Variants in CACNA1B observed in about 807,000 individuals in gnomAD.
CACNA1B encodes calcium voltage-gated channel subunit alpha1 B.
CACNA1B carries 70 observed loss-of-function variants against 247.2 expected under a neutral mutation model. The observed-to-expected ratio is 0.28, with a 90% CI of 0.23 to 0.35. CACNA1B has a LOEUF of 0.35. CACNA1B is among the 10% of genes least tolerant of loss of function. The pLI is 1.00. For synonymous variants in CACNA1B, 1,231 were observed against 1,294.4 expected, an observed-to-expected ratio of 0.95 and a Z score of 1.05; for missense variants, 2,367 against 3,197.4, an observed-to-expected ratio of 0.74 and a Z score of 6.26.
intron 15 of CACNA1B, among the ~76,000 whole-genome samples, chr9:137,993,125 A>T (rs1024698548): frequency 6.6e-6 from 1 of 152,182 alleles, no homozygotes; most frequent in African/African-American, 2.4e-5. Context: ...ATCTCACACA[A>T]CTGAAGAAAC....
At chr9:137,998,775 G>A (rs1958529778) in intron 15 of CACNA1B, among the ~76,000 whole-genome samples, 1 of 152,134 alleles carries the variant, frequency 6.6e-6, no homozygotes, top group Non-Finnish European at 1.5e-5. Flanking sequence ...CCAAAAACAG[G>A]CAGAATTACA....
chr9:138,023,482 G>T lies in CACNA1B; in HGVS notation c.2739G>T (p.Glu913Asp). The T allele has an allele frequency of 8.8e-7, 1 of 1,133,394 alleles. No individual in the cohort carries two copies. The highest frequency in any genetic ancestry group is 4.0e-5 in the South Asian group (1 of 24,742). The allele number at this position is 1,133,394 out of a possible 1,614,324, so 70.2% of individuals were successfully genotyped here. The part of the protein sequence containing the change: ...RSERGRGPGP[E>D]GGRRHHRRGS... Reference sequence around the variant, plus strand: ...AGCGCGGCCGAGGCCCAGGCCCCGAGGGCGGCCGGCGGCACCACCGGCGCG... The same window carrying T: ...AGCGCGGCCGAGGCCCAGGCCCCGATGGCGGCCGGCGGCACCACCGGCGCG... Residue 913 changes from glutamate (E) to aspartate (D), a missense_variant, in exon 19 of 47, where the codon GAG becomes GAT. By Grantham distance (45) the Glu-to-Asp change is conservative (BLOSUM62 2). This residue lies in a region of CACNA1B where 631 missense variants were observed against 631.1 expected (regional missense o/e 1.00). Coordinates refer to ENST00000371372, the MANE Select transcript of CACNA1B (RefSeq NM_000718.4).
chr9:137,971,439 T>C lies in CACNA1B; in HGVS notation c.1390T>C (p.Phe464Leu). The change falls in exon 11 of 47, where the codon TTC becomes CTC. Residue 464 changes from phenylalanine to leucine, a missense_variant. This residue lies in a region of CACNA1B where 219 missense variants were observed against 297.6 expected (regional missense o/e 0.74). Transcript: ENST00000371372. This position sits in a 1 kb window ranked among gnomAD's most constrained non-coding sequence, Gnocchi z 4.4. ...CGGGAAGACAGAGAGCTCGTCATAC[T>C]TCCGGAGGAAGGAGAAGATGTTCCG... Reference protein sequence around the residue: ...KSGKTESSSYFRRKEKMFRFF... With the variant: ...KSGKTESSSYLRRKEKMFRFF... 3 of 1,613,654 alleles carry C rather than the reference T, an allele frequency of 1.9e-6. No homozygotes were observed. Among genetic ancestry groups the C allele is most frequent in the Non-Finnish European group, 2.5e-6 (3 of 1,179,744 alleles).
rs1233899594 is a variant in CACNA1B, at chr9:137,883,007, T to C, written c.530+124T>C. ...CACTGGGGTCCCCTCACAGCCCTGC[T>C]GGAGATGAACGAATGTGAGACAGTC... On this transcript the variant is annotated intron_variant, in intron 3 of 46. Transcript: ENST00000371372. 1,513 of 1,030,548 alleles carry C rather than the reference T, an allele frequency of 1.5e-3. 17 individuals are homozygous for C. The African/African-American group carries it at 0.021, about 15-fold the overall frequency. 63.8% of individuals were successfully genotyped at this position (1,030,548 alleles called of 1,614,324 possible).
At chr9:138,093,426 A>G (rs1221534933) in intron 36 of CACNA1B, among the ~76,000 whole-genome samples, 96 of 149,828 alleles carry the variant, frequency 6.4e-4, no homozygotes, top group African/African-American at 1.3e-3. Context: ...AAAAAAAAAA[A>G]AAGAAGAAGA....
In CACNA1B at chr9:138,059,789, GAGCCTGC is replaced by G. The variant is rs779764024; in HGVS notation, c.4668+53_4668+59del. 1.7e-4 allele frequency: 173 copies of G among 1,036,698 alleles called. 1 individual carries two copies. In the African/African-American group the frequency reaches 2.0e-3, roughly 12 times the overall value. 64.2% of individuals were successfully genotyped at this position (1,036,698 alleles called of 1,614,324 possible). On this transcript the variant is annotated intron_variant, in intron 31 of 46. Transcript: ENST00000371372. The surrounding 1 kb of genome is among the most constrained non-coding windows in gnomAD (Gnocchi z 4.2). ...AGGGTCCCCAGGTGGTTTCCTTCTAGAGCCTGCTCCCCTCAGTGCATCTCCAGGCCCT... is the reference window on the plus strand; with the variant it reads ...AGGGTCCCCAGGTGGTTTCCTTCTAGTCCCCTCAGTGCATCTCCAGGCCCT...
intron 44 of CACNA1B, among the ~76,000 whole-genome samples, chr9:138,119,506 G>C (rs570044706): frequency 4.5e-4 from 69 of 152,296 alleles, no homozygotes; most frequent in Middle Eastern, 6.8e-3. Context: ...CTGGGCTGTG[G>C]AGCTGTGGAT....
chr9:138,111,233 C>G (rs1027464703), intron 39 of CACNA1B, among the ~76,000 whole-genome samples: 1 of 152,204 alleles, frequency 6.6e-6, no homozygotes, highest in African/African-American at 2.4e-5. Context: ...AAAATTGCCC[C>G]AAACTGTAAA....
At chr9:138,114,243 C>T (rs1294218149) in intron 40 of CACNA1B, 135 bp from the exon 41 acceptor site, 2 of 616,208 alleles carry the variant, frequency 3.2e-6, no homozygotes, top group East Asian at 5.6e-5. Flanking sequence ...TGAGAGCCCT[C>T]TGTCCCAGTG....
At chr9:137,927,638 C>T (rs551353738) in intron 6 of CACNA1B, among the ~76,000 whole-genome samples, 141 of 152,328 alleles carry the variant, frequency 9.3e-4, no homozygotes, top group South Asian at 5.0e-3. Flanking sequence ...TGGCTAGAAA[C>T]TTCAGCATTA....
intron 38 of CACNA1B, among the ~76,000 whole-genome samples, chr9:138,104,666 A>G (rs921683647): frequency 6.6e-6 from 1 of 152,130 alleles, no homozygotes; most frequent in Non-Finnish European, 1.5e-5. Context: ...GCAGGGCTGT[A>G]TGGCCCTCCC....
At chr9:137,966,322 T>C (rs535181904) in intron 10 of CACNA1B, among the ~76,000 whole-genome samples, 3 of 151,598 alleles carry the variant, frequency 2.0e-5, no homozygotes, top group South Asian at 4.2e-4. Context: ...CCTCCCGGGT[T>C]CATGCCATTC....
intron 41 of CACNA1B, among the ~76,000 whole-genome samples, chr9:138,114,859 G>C (rs1961799179): frequency 6.6e-6 from 1 of 152,160 alleles, no homozygotes; most frequent in South Asian, 2.1e-4. Context: ...TTCACACAGA[G>C]AGCAAAGAAA....
intron 15 of CACNA1B, among the ~76,000 whole-genome samples, chr9:138,003,814 G>A (rs1202541057): frequency 6.9e-6 from 1 of 144,292 alleles, no homozygotes; most frequent in African/African-American, 2.7e-5. Context: ...TAGAAATGGG[G>A]TCCCACTATG....
intron 36 of CACNA1B, among the ~76,000 whole-genome samples, chr9:138,089,233 A>C (rs1054919778): frequency 2.6e-5 from 4 of 152,166 alleles, no homozygotes; most frequent in African/African-American, 9.6e-5. Flanking sequence ...AATATTTCTG[A>C]TGATCGTAGA....
rs1962091843 is a variant in CACNA1B, at chr9:138,121,378, C to T, written c.6490-91C>T. ...GCCTCCCTCTCTCCTCCCATCCCCC[C>T]AGGCACCTGTGTGTGATGTGCTCTG... On this transcript the variant is annotated intron_variant, in intron 46 of 46. Transcript: ENST00000371372. This position sits in a 1 kb window ranked among gnomAD's most constrained non-coding sequence, Gnocchi z 6.8. 4 of 1,023,130 alleles carry T rather than the reference C, an allele frequency of 3.9e-6. No individual in the cohort carries two copies. The South Asian group carries it at 7.1e-5, about 18-fold the overall frequency. 63.4% of individuals were successfully genotyped at this position (1,023,130 alleles called of 1,614,324 possible).
At chr9:138,116,344 C>G (rs1053795918) in intron 42 of CACNA1B, among the ~76,000 whole-genome samples, 1 of 152,234 alleles carries the variant, frequency 6.6e-6, no homozygotes, top group African/African-American at 2.4e-5. Flanking sequence ...TTCCGGGTAA[C>G]AAATCACCCA....
chr9:137,924,316 C>A lies in CACNA1B; in HGVS notation c.966+6885C>A, dbSNP rs1957526261. ...GCCTGCCTGCCTTCCTTCCTTCCTT[C>A]TTTCCTTCCTCCCTCCCTTCCTTCC... On this transcript the variant is annotated intron_variant, in intron 6 of 46. Coordinates refer to ENST00000371372, the MANE Select transcript of CACNA1B (RefSeq NM_000718.4). Among the ~76,000 whole-genome samples, 3 of 151,082 alleles carry A rather than the reference C, an allele frequency of 2.0e-5. No homozygotes were observed. In the South Asian group the frequency reaches 6.3e-4, roughly 32 times the overall value.
chr9:138,030,355 T>C (rs993867569), intron 20 of CACNA1B, among the ~76,000 whole-genome samples: 2 of 152,202 alleles, frequency 1.3e-5, no homozygotes, highest in Non-Finnish European at 2.9e-5. Flanking sequence ...ATTGATATTA[T>C]CGTGTGTGTT....
Sources: gnomAD v4.1 joint callset for allele counts (sites outside exome capture counted in the v4.1 genomes callset) on GRCh38, gnomAD v4.1.1 for gene constraint, gnomAD v4.1.1 regional missense constraint, Gnocchi (gnomAD v3.1) non-coding constraint, MANE v1.5 for transcripts, NCBI Gene and HGNC (gene_info 2026-07-23, HGNC 2026-07-21) for gene names.